The following HORMAD2 variants were observed in gnomAD, a reference collection of about 807,000 sequenced individuals.
HORMAD2 encodes the protein HORMA domain-containing protein 2.
A neutral mutation model predicts 38.8 loss-of-function variants in HORMAD2; 45 were observed. The ratio of observed to expected loss-of-function variants is 1.16; its 90% confidence interval spans 0.91 to 1.49. The LOEUF is 1.49. Ranked by LOEUF, HORMAD2 falls within the 40% of genes most tolerant of loss-of-function variation. HORMAD2 has a pLI of 0.00. For missense variants in HORMAD2, 338 were observed against 367.0 expected (o/e 0.92, Z 0.65); for synonymous variants, 126 against 122.8 (o/e 1.03, Z -0.17).
chr22:30,111,901 C>G (rs532884109), intron 6 of HORMAD2, 85 bp downstream of exon 6: 1 of 997,526 alleles, frequency 1.0e-6, no homozygotes, highest in Non-Finnish European at 1.5e-6. Flanking sequence ...AGTACTCTCC[C>G]TCTTCCTCCC....
At chr22:30,185,869 A>AT in the HORMAD2 span, among the ~76,000 whole-genome samples, 3 of 152,052 alleles carry the variant, frequency 2.0e-5, no homozygotes, top group African/African-American at 7.2e-5. Flanking sequence ...ATTAAAAAAA[A>AT]AAAAATAAAA....
At chr22:30,158,717 T>C (rs1925263077) in intron 10 of HORMAD2, among the ~76,000 whole-genome samples, 1 of 149,910 alleles carries the variant, frequency 6.7e-6, no homozygotes, top group African/African-American at 2.5e-5. Context: ...AGGGTCTTGC[T>C]CTGTCACCCA....
chr22:30,148,789 G>C (rs1279228880), intron 10 of HORMAD2, among the ~76,000 whole-genome samples: 3 of 152,122 alleles, frequency 2.0e-5, no homozygotes, highest in Non-Finnish European at 4.4e-5. Flanking sequence ...CAGATCACGA[G>C]GTCAGGAGAT....
At chr22:30,140,055 T>C (rs1923967576) in intron 10 of HORMAD2, among the ~76,000 whole-genome samples, 3 of 152,078 alleles carry the variant, frequency 2.0e-5, no homozygotes, top group Admixed American at 6.6e-5. Flanking sequence ...TCTGTAGTTT[T>C]CTTGTGTTGC....
intron 4 of HORMAD2, 149 bp downstream of exon 4, chr22:30,103,649 A>ATTTTTGTTTTTTTT (rs1920984051): frequency 1.5e-5 from 1 of 68,232 alleles, no homozygotes; most frequent in African/African-American, 1.3e-4. Context: ...TCTGTTTTTG[A>ATTTTTGTTTTTTTT]TTTTTTTTTT....
At chr22:30,205,469 T>A in the HORMAD2 span, among the ~76,000 whole-genome samples, 1 of 152,072 alleles carries the variant, frequency 6.6e-6, no homozygotes, top group Non-Finnish European at 1.5e-5. Flanking sequence ...AGAAGGCCGG[T>A]GACTGGCCCA....
chr22:30,098,785 G>A, intron 2 of HORMAD2, 67 bp from the exon 3 acceptor site: 1 of 1,319,798 alleles, frequency 7.6e-7, no homozygotes, highest in Non-Finnish European at 1.0e-6. Flanking sequence ...CATATATGTG[G>A]TAATGATGTG....
chr22:30,118,471 G>C (rs6006359), intron 7 of HORMAD2, among the ~76,000 whole-genome samples: 1 of 152,174 alleles, frequency 6.6e-6, no homozygotes, highest in Non-Finnish European at 1.5e-5. Flanking sequence ...CTCTATCACA[G>C]CATCTGCTTC....
At chr22:30,080,248 G>C (rs2068443947), upstream of HORMAD2, 1 of 152,410 alleles carries the variant, frequency 6.6e-6, no homozygotes, top group African/African-American at 2.4e-5. Flanking sequence ...GTGGCTGAGA[G>C]GCGGCTGCTG....
the HORMAD2 span, chr22:30,206,895 G>C: frequency 2.9e-6 from 1 of 341,524 alleles, no homozygotes; most frequent in South Asian, 2.3e-5. Context: ...CCACTTCCTG[G>C]CACCTCAAGT....
chr22:30,175,280 T>TAATATATATAAC (rs1222257005), intron 10 of HORMAD2, among the ~76,000 whole-genome samples: 199 of 141,916 alleles, frequency 1.4e-3, no homozygotes, highest in African/African-American at 5.1e-3. Context: ...ATATATATAA[T>TAATATATATAAC]ATAATATAGA....
At chr22:30,128,376 T>C (rs1012222848) in intron 10 of HORMAD2, among the ~76,000 whole-genome samples, 3 of 152,196 alleles carry the variant, frequency 2.0e-5, no homozygotes. Flanking sequence ...GAATTTATTT[T>C]ACTTTTATAC....
chr22:30,163,228 G>A (rs181386167), intron 10 of HORMAD2, among the ~76,000 whole-genome samples: 459 of 151,602 alleles, frequency 3.0e-3, no homozygotes, highest in Middle Eastern at 6.8e-3. Flanking sequence ...TAGGAACATT[G>A]CTTCAGGAAT....
At chr22:30,097,263 A>G (rs538340474) in intron 2 of HORMAD2, among the ~76,000 whole-genome samples, 1 of 152,354 alleles carries the variant, frequency 6.6e-6, no homozygotes, top group Admixed American at 6.5e-5. Context: ...CCCATCCATC[A>G]GCAAATATTC....
chr22:30,133,021 A>T (rs937015240), intron 10 of HORMAD2, among the ~76,000 whole-genome samples: 2 of 152,350 alleles, frequency 1.3e-5, no homozygotes, highest in South Asian at 2.1e-4. Context: ...TTTGGTTAAA[A>T]AAGAGATGCC....
At chr22:30,104,733 A>C (rs1342043445) in intron 5 of HORMAD2, among the ~76,000 whole-genome samples, 1 of 152,250 alleles carries the variant, frequency 6.6e-6, no homozygotes, top group Admixed American at 6.5e-5. Context: ...AGAATCTGGC[A>C]TTTAGTGCAT....
At chr22:30,108,884 AT>A (rs111352871) in intron 5 of HORMAD2, among the ~76,000 whole-genome samples, 51 of 151,782 alleles carry the variant, frequency 3.4e-4, no homozygotes, top group African/African-American at 1.1e-3. Context: ...TGGTTCTGAA[AT>A]TTTTTTTCTT....
At chr22:30,129,017 G>A (rs1441182132) in intron 10 of HORMAD2, among the ~76,000 whole-genome samples, 3 of 151,756 alleles carry the variant, frequency 2.0e-5, no homozygotes, top group Admixed American at 1.3e-4. Context: ...GATCGAGGCC[G>A]TCCGTCCTGG....
At chr22:30,094,960 G>A (rs1275955200) in intron 2 of HORMAD2, among the ~76,000 whole-genome samples, 1 of 152,084 alleles carries the variant, frequency 6.6e-6, no homozygotes, top group African/African-American at 2.4e-5. Context: ...GTATAAAAAT[G>A]AGACCCTTAA....
Sources: allele counts gnomAD v4.1 joint callset (sites outside exome capture counted in the v4.1 genomes callset), GRCh38; gene constraint gnomAD v4.1.1; transcripts MANE v1.5; gene names NCBI Gene and HGNC (gene_info 2026-07-23, HGNC 2026-07-21).